MAOA: variants seen among roughly 807,000 people sequenced by gnomAD.
MAOA encodes monoamine oxidase A.
A neutral mutation model predicts 42.0 loss-of-function variants in MAOA; 6 were observed. The observed-to-expected ratio is 0.14, with a 90% CI of 0.08 to 0.28. The LOEUF (loss-of-function observed/expected upper bound fraction) is 0.28, where lower values mean the gene tolerates loss of function less well. Among genes scored for constraint, MAOA ranks in the 10% least tolerant of loss-of-function variants. MAOA has a pLI of 1.00. For missense variants in MAOA, 262 were observed against 422.3 expected (o/e 0.62, Z 3.33); for synonymous variants, 140 against 154.0 (o/e 0.91, Z 0.67).
chrX:43,682,872 A>G (rs2033455183), intron 1 of MAOA, among the ~76,000 whole-genome samples: 1 of 111,946 alleles, frequency 8.9e-6, no homozygotes, highest in East Asian at 2.8e-4. Context: ...TGGTATTACT[A>G]TGTTGGGTTT....
chrX:43,730,604 G>C (rs968116621), intron 6 of MAOA, among the ~76,000 whole-genome samples: 3 of 104,730 alleles, frequency 2.9e-5, no homozygotes, highest in Non-Finnish European at 3.9e-5. Context: ...TGGTTCTCCT[G>C]CCTCAGCCTC....
At chrX:43,726,107 T>G (rs995559940) in intron 5 of MAOA, among the ~76,000 whole-genome samples, 2 of 111,691 alleles carry the variant, frequency 1.8e-5, no homozygotes, top group African/African-American at 6.5e-5. Context: ...CTTAACATTT[T>G]TTTCCTTCAT....
rs2033409783 is a variant in MAOA, at chrX:43,677,635, C to A, written c.74-5878C>A. ...AAACTCATCATCCCGATTTAGAATACTTAATGCAAACTAATTAAAGATCTG... is the reference window on the plus strand; with the variant it reads ...AAACTCATCATCCCGATTTAGAATAATTAATGCAAACTAATTAAAGATCTG... On this transcript the variant is annotated intron_variant, in intron 1 of 14. Transcript: ENST00000338702. 2.7e-5 allele frequency among the ~76,000 whole-genome samples: 3 copies of A among 111,911 alleles called. No homozygotes were observed. In the Admixed American group the frequency reaches 2.8e-4, roughly 11 times the overall value.
At chrX:43,662,292 G>A (rs1009986266) in intron 1 of MAOA, among the ~76,000 whole-genome samples, 2 of 110,981 alleles carry the variant, frequency 1.8e-5, no homozygotes, top group African/African-American at 3.3e-5. Context: ...AAATAAACTA[G>A]GGTGTTTTTA....
chrX:43,661,259 G>C (rs1189552280), intron 1 of MAOA, among the ~76,000 whole-genome samples: 1 of 111,701 alleles, frequency 9.0e-6, no homozygotes, highest in Non-Finnish European at 1.9e-5. Flanking sequence ...TGAGTAAGTA[G>C]CATCCCTGTA....
chrX:43,674,860 C>T (rs1252790839), intron 1 of MAOA, among the ~76,000 whole-genome samples: 2 of 109,537 alleles, frequency 1.8e-5, no homozygotes, highest in Non-Finnish European at 3.8e-5. Flanking sequence ...CCCGACCTTT[C>T]TCTCTGGCTG....
chrX:43,724,047 A>G (rs2033812745), intron 5 of MAOA, among the ~76,000 whole-genome samples: 1 of 111,088 alleles, frequency 9.0e-6, no homozygotes, highest in Admixed American at 9.6e-5. Context: ...ATCTTGGTGG[A>G]TACGCTTTTT....
At chrX:43,674,304 TCTTCCTCCATC>T (rs1216286315) in intron 1 of MAOA, among the ~76,000 whole-genome samples, 4 of 110,598 alleles carry the variant, frequency 3.6e-5, no homozygotes, top group Admixed American at 9.6e-5. Context: ...GCTTGGTAGA[TCTTCCTCCATC>T]CTTTTATTTT....
chrX:43,719,837 C>A (rs775866213), intron 5 of MAOA, among the ~76,000 whole-genome samples: 102 of 109,458 alleles, frequency 9.3e-4, no homozygotes, highest in Non-Finnish European at 1.7e-3. Flanking sequence ...GGGGAGGAGG[C>A]GGTATCATCC....
Position 43,727,415 on chromosome X carries a change from G to T in MAOA, c.504-758G>T, listed in dbSNP as rs1250695550. On this transcript the variant is annotated intron_variant, in intron 5 of 14. Transcript: ENST00000338702. ...AGGCAGTAGGCCTTGCTGAGCTGTGGTGGGGTCCGCCCAGTTCGAACTTCC... is the reference window on the plus strand; with the variant it reads ...AGGCAGTAGGCCTTGCTGAGCTGTGTTGGGGTCCGCCCAGTTCGAACTTCC... Among the ~76,000 whole-genome samples, 3 of 112,153 alleles carry T rather than the reference G, an allele frequency of 2.7e-5. No individual in the cohort carries two copies. The East Asian group carries it at 8.5e-4, about 32-fold the overall frequency.
Position 43,746,546 on chromosome X carries a change from C to G in MAOA, c.*2033C>G, listed in dbSNP as rs1244648447. 8.9e-6 allele frequency: 1 copy of G among 112,056 alleles called. No homozygotes were observed. The highest frequency in any genetic ancestry group is 9.4e-5 in the Admixed American group (1 of 10,591). 9.2% of individuals were successfully genotyped at this position (112,056 alleles called of 1,213,427 possible). A position where few individuals can be genotyped will look rare whatever the true frequency, so the allele number is the denominator to read the frequency against. On this transcript the variant is annotated 3_prime_UTR_variant, in exon 15 of 15. Transcript: ENST00000338702. ...TTCTGAAGGCTGAGTCAGCCCCACT[C>G]CACAGTTAGGCCAAGAATTAGATTT...
At chrX:43,716,684 A>G in intron 5 of MAOA, among the ~76,000 whole-genome samples, 1 of 110,404 alleles carries the variant, frequency 9.1e-6, no homozygotes, top group Non-Finnish European at 1.9e-5. Context: ...CGAATGACCC[A>G]CAGAAGTCAG....
chrX:43,743,393 C>T (rs909839430), intron 12 of MAOA, among the ~76,000 whole-genome samples: 3 of 111,362 alleles, frequency 2.7e-5, no homozygotes, highest in African/African-American at 9.8e-5. Flanking sequence ...GGAGTGCCTG[C>T]AAAGCTGGAT....
chrX:43,742,618 C>T (rs1020466426), intron 12 of MAOA, among the ~76,000 whole-genome samples: 10 of 112,336 alleles, frequency 8.9e-5, no homozygotes, highest in African/African-American at 3.2e-4. Context: ...AGTTATAAGA[C>T]TTGCTCAGTT....
intron 9 of MAOA, among the ~76,000 whole-genome samples, chrX:43,734,969 T>G (rs757076218): frequency 8.9e-6 from 1 of 112,394 alleles, no homozygotes; most frequent in Admixed American, 9.4e-5. Context: ...AAACCCAGAA[T>G]CTAACTAAAA....
At chrX:43,714,843 T>C (rs2033729181) in intron 5 of MAOA, among the ~76,000 whole-genome samples, 1 of 109,126 alleles carries the variant, frequency 9.2e-6, no homozygotes, top group African/African-American at 3.3e-5. Flanking sequence ...TATTTCTCTC[T>C]CTCTGGGGAG....
chrX:43,730,832 G>T (rs760547233), intron 6 of MAOA, among the ~76,000 whole-genome samples: 2 of 110,655 alleles, frequency 1.8e-5, no homozygotes, highest in Non-Finnish European at 3.8e-5. Flanking sequence ...CCTCAGCCCA[G>T]AACACAGGAA....
At chrX:43,685,026 C>A (rs186061218) in intron 2 of MAOA, among the ~76,000 whole-genome samples, 2 of 108,157 alleles carry the variant, frequency 1.8e-5, no homozygotes, top group South Asian at 8.3e-4. Flanking sequence ...TACAGGCACC[C>A]CCCCCACCAC....
chrX:43,708,772 C>T (rs2033677660), intron 3 of MAOA, among the ~76,000 whole-genome samples: 1 of 108,140 alleles, frequency 9.2e-6, no homozygotes, highest in African/African-American at 3.4e-5. Flanking sequence ...AAGCAATTCT[C>T]CTGCCTCAGC....
Sources: allele counts gnomAD v4.1 joint callset (sites outside exome capture counted in the v4.1 genomes callset), GRCh38; gene constraint gnomAD v4.1.1; transcripts MANE v1.5; gene names NCBI Gene and HGNC (gene_info 2026-07-23, HGNC 2026-07-21).